The following AGBL4 variants were observed in gnomAD, a reference collection of about 807,000 sequenced individuals.
AGBL4 encodes the protein cytosolic carboxypeptidase 6.
AGBL4 carries 58 observed loss-of-function variants against 66.4 expected under a neutral mutation model. The observed-to-expected ratio is 0.87, with a 90% CI of 0.71 to 1.09. AGBL4 has a LOEUF of 1.09. AGBL4 is among the 50% of genes least tolerant of loss of function. The pLI, the probability that AGBL4 is intolerant of heterozygous loss-of-function variation, is 0.00. For synonymous variants in AGBL4, 234 were observed against 222.9 expected (o/e 1.05, Z -0.44); for missense variants, 579 against 631.0 (o/e 0.92, Z 0.88).
At chr1:49,741,511 A>G (rs967402003) in intron 2 of AGBL4, among the ~76,000 whole-genome samples, 1 of 152,330 alleles carries the variant, frequency 6.6e-6, no homozygotes, top group East Asian at 1.9e-4. Context: ...AACTATTCCA[A>G]TCAATAGAAA....
chr1:49,568,371 G>A (rs929190651), intron 3 of AGBL4, among the ~76,000 whole-genome samples: 2 of 148,148 alleles, frequency 1.3e-5, no homozygotes, highest in African/African-American at 4.9e-5. Flanking sequence ...AATCAGGAAC[G>A]CAATACTATT....
chr1:48,846,676 A>G (rs1646924692), intron 6 of AGBL4, among the ~76,000 whole-genome samples: 1 of 152,222 alleles, frequency 6.6e-6, no homozygotes, highest in Admixed American at 6.5e-5. Context: ...AGTAGGTTTT[A>G]TCTCACATGC....
intron 3 of AGBL4, among the ~76,000 whole-genome samples, chr1:49,334,871 A>T (rs1645402502): frequency 6.6e-6 from 1 of 152,140 alleles, no homozygotes; most frequent in Admixed American, 6.5e-5. Flanking sequence ...CCACAAGCAG[A>T]TTTTATTGCT....
At chr1:49,586,231 C>T (rs1644644126) in intron 3 of AGBL4, among the ~76,000 whole-genome samples, 1 of 152,116 alleles carries the variant, frequency 6.6e-6, no homozygotes, top group Non-Finnish European at 1.5e-5. Flanking sequence ...TTCCAGGAGA[C>T]AGGGTTGGTA....
chr1:48,765,503 A>G (rs1473167637), intron 6 of AGBL4, among the ~76,000 whole-genome samples: 1 of 152,258 alleles, frequency 6.6e-6, no homozygotes, highest in Admixed American at 6.5e-5. Context: ...AGAGAACATT[A>G]TGGCAGTTCC....
chr1:49,618,099 G>A (rs1304409023), intron 3 of AGBL4, among the ~76,000 whole-genome samples: 1 of 152,118 alleles, frequency 6.6e-6, no homozygotes, highest in Non-Finnish European at 1.5e-5. Flanking sequence ...GTGAGAACAT[G>A]TGGTGTTTGG....
chr1:49,861,441 C>T (rs2148085490), intron 1 of AGBL4, among the ~76,000 whole-genome samples: 1 of 152,132 alleles, frequency 6.6e-6, no homozygotes, highest in East Asian at 1.9e-4. Context: ...ACCAGCTCAG[C>T]CACAGCATGA....
chr1:49,088,771 C>A (rs1207078991), intron 4 of AGBL4, among the ~76,000 whole-genome samples: 1 of 152,050 alleles, frequency 6.6e-6, no homozygotes, highest in Non-Finnish European at 1.5e-5. Flanking sequence ...ACCTACAGAA[C>A]TTTCCAACCA....
At chr1:49,697,560 G>C (rs1373383198) in intron 2 of AGBL4, 123 bp from the exon 3 acceptor site, 2 of 813,558 alleles carry the variant, frequency 2.5e-6, no homozygotes, top group Non-Finnish European at 3.6e-6. Flanking sequence ...TGAAGGTTCA[G>C]TGTTCACAAT....
intron 2 of AGBL4, among the ~76,000 whole-genome samples, chr1:49,808,930 C>T (rs1276982331): frequency 1.3e-5 from 2 of 151,902 alleles, no homozygotes; most frequent in Non-Finnish European, 1.5e-5. Context: ...AAACATGCAG[C>T]GATAATATAT....
At chr1:49,205,978 A>C (rs1648099567) in intron 4 of AGBL4, among the ~76,000 whole-genome samples, 2 of 152,168 alleles carry the variant, frequency 1.3e-5, no homozygotes, top group Admixed American at 1.3e-4. Flanking sequence ...GCTGCTAGAA[A>C]AATAAACTTG....
intron 3 of AGBL4, among the ~76,000 whole-genome samples, chr1:49,425,211 T>A (rs904605633): frequency 5.3e-5 from 8 of 152,126 alleles, no homozygotes; most frequent in African/African-American, 1.7e-4. Context: ...ATTCTAAAAT[T>A]TTACATTATG....
chr1:48,948,511 C>T (rs1207033260), intron 5 of AGBL4, among the ~76,000 whole-genome samples: 2 of 152,200 alleles, frequency 1.3e-5, no homozygotes, highest in Admixed American at 6.5e-5. Context: ...AGATCTGTCA[C>T]GTCTTCCTCC....
chr1:48,645,568 A>G (rs1052403685), intron 8 of AGBL4, among the ~76,000 whole-genome samples: 5 of 151,966 alleles, frequency 3.3e-5, no homozygotes, highest in Admixed American at 6.6e-5. Context: ...GCTTCTGATG[A>G]CCCCTTTCTA....
chr1:49,173,984 A>C (rs1017591501), intron 4 of AGBL4, among the ~76,000 whole-genome samples: 5 of 152,194 alleles, frequency 3.3e-5, no homozygotes, highest in Non-Finnish European at 5.9e-5. Context: ...ATTGGAAATA[A>C]TTGGTGACCC....
At chr1:49,856,953 C>T (rs1308197553) in intron 1 of AGBL4, among the ~76,000 whole-genome samples, 2 of 150,962 alleles carry the variant, frequency 1.3e-5, no homozygotes, top group Admixed American at 1.3e-4. Flanking sequence ...TCATAGATGA[C>T]ATGATCTTTT....
chr1:49,453,357 G>T (rs2148685522), intron 3 of AGBL4, among the ~76,000 whole-genome samples: 2 of 151,848 alleles, frequency 1.3e-5, no homozygotes, highest in Middle Eastern at 3.4e-3. Flanking sequence ...ACAGACAGCA[G>T]ATGTACCCCA....
chr1:48,783,290 C>A (rs558158836), intron 6 of AGBL4, among the ~76,000 whole-genome samples: 1 of 152,108 alleles, frequency 6.6e-6, no homozygotes, highest in Non-Finnish European at 1.5e-5. Flanking sequence ...GGCATCAACC[C>A]AACTCATTCA....
At chr1:49,907,663 G>A (rs1479400831) in intron 1 of AGBL4, among the ~76,000 whole-genome samples, 1 of 152,170 alleles carries the variant, frequency 6.6e-6, no homozygotes, top group Non-Finnish European at 1.5e-5. Flanking sequence ...GCTAGAGGTT[G>A]AGAGACAGAG....
Sources: gnomAD v4.1 joint callset for allele counts (sites outside exome capture counted in the v4.1 genomes callset) on GRCh38, gnomAD v4.1.1 for gene constraint, MANE v1.5 for transcripts, NCBI Gene and HGNC (gene_info 2026-07-23, HGNC 2026-07-21) for gene names.